Variants in USP34 observed in about 807,000 individuals in gnomAD.
USP34 encodes ubiquitin specific peptidase 34, also known as ubiquitin carboxyl-terminal hydrolase 34.
USP34 carries 70 observed loss-of-function variants against 460.3 expected under a neutral mutation model. The ratio of observed to expected loss-of-function variants is 0.15; its 90% CI spans 0.13 to 0.19. The LOEUF (loss-of-function observed/expected upper bound fraction) is 0.19, where lower values mean the gene tolerates loss of function less well. Ranked by LOEUF, USP34 falls within the 10% of genes least tolerant of loss-of-function variation. The pLI, the probability that USP34 is intolerant of heterozygous loss-of-function variation, is 1.00. For synonymous variants in USP34, 1,647 were observed against 1,405.3 expected (o/e 1.17, Z -3.85); for missense variants, 3,985 against 4,236.2 (o/e 0.94, Z 1.65).
chr2:61,344,087 A>G lies in USP34; in HGVS notation c.2286-58T>C, dbSNP rs1691687120. The G allele has an allele frequency of 8.5e-6, 13 of 1,527,928 alleles. No homozygotes were observed. The South Asian group carries it at 1.4e-4, about 16-fold the overall frequency. 94.6% of individuals were successfully genotyped at this position (1,527,928 alleles called of 1,614,324 possible). ...TTACGAATGTGAATCTAATTTGTGA[A>G]CCACAAAAAATACCTCTCTTAAACT... On this transcript the variant is annotated intron_variant, in intron 15 of 79. Transcript: ENST00000398571.
chr2:61,228,668 T>G lies in USP34; in HGVS notation c.7420A>C (p.Met2474Leu), dbSNP rs372136144. 14 of 1,611,614 alleles carry G rather than the reference T, an allele frequency of 8.7e-6. No individual in the cohort carries two copies. Among genetic ancestry groups the G allele is most frequent in the Non-Finnish European group, 1.2e-5 (14 of 1,179,074 alleles). Reference protein sequence around the residue: ...QAISTMVHFYMGTKGPENPQV... With the variant: ...QAISTMVHFYLGTKGPENPQV... ...ACATTTTCAGGTCCTTTTGTTCCCA[T>G]GTAAAAATGTACCATTGTAGATATA... is the stretch of plus-strand genomic sequence containing the variant. The change falls in exon 61 of 80, where the codon ATG becomes CTG. Residue 2474 changes from methionine to leucine, a missense_variant. Met to Leu is a conservative substitution (Grantham distance 15). Around this residue, in one of 14 missense-constraint regions of USP34, gnomAD observed 604 missense variants for 684.8 expected, o/e 0.88. Transcript: ENST00000398571.
chr2:61,398,469 G>A (rs1352218354), intron 3 of USP34, among the ~76,000 whole-genome samples: 26 of 134,880 alleles, frequency 1.9e-4, no homozygotes, highest in Non-Finnish European at 3.1e-4. Context: ...ACGGAGAAGC[G>A]GGGGAAGGAG....
At chr2:61,457,472 G>A (rs1226522425) in intron 1 of USP34, among the ~76,000 whole-genome samples, 1 of 152,184 alleles carries the variant, frequency 6.6e-6, no homozygotes, top group Non-Finnish European at 1.5e-5. Context: ...TTCTGCCAAA[G>A]AAACGGTTTT....
intron 18 of USP34, among the ~76,000 whole-genome samples, chr2:61,336,140 C>G (rs921152): frequency 6.7e-6 from 1 of 148,178 alleles, no homozygotes; most frequent in Non-Finnish European, 1.5e-5. Context: ...TGTGTGTGTC[C>G]GCACAATTTT....
rs764584325 is a variant in USP34 at position 61,395,242 on chromosome 2, A to C, written c.553-9T>G. 4 of 1,423,482 alleles carry C rather than the reference A, an allele frequency of 2.8e-6. No homozygotes were observed. Among genetic ancestry groups the C allele is most frequent in the Non-Finnish European group, 2.9e-6 (3 of 1,032,114 alleles). The allele number at this position is 1,423,482 out of a possible 1,614,324, so 88.2% of individuals were successfully genotyped here. ...TCTTGAGTTGATATATCCTAATTAA[A>C]AAAAAAAAAGCAAGTAAAATTAGGT... is the stretch of plus-strand genomic sequence containing the variant. On this transcript the variant is annotated splice_polypyrimidine_tract_variant and intron_variant, in intron 3 of 79. Coordinates refer to ENST00000398571, the MANE Select transcript of USP34 (RefSeq NM_014709.4).
chr2:61,189,302 CT>C, intron 78 of USP34: 1 of 404,546 alleles, frequency 2.5e-6, no homozygotes, highest in Middle Eastern at 7.0e-4. Flanking sequence ...GAGATGGAGT[CT>C]TGTTCTTTGG....
chr2:61,262,429 T>C (rs1350870588), intron 43 of USP34, among the ~76,000 whole-genome samples: 1 of 152,178 alleles, frequency 6.6e-6, no homozygotes, highest in Non-Finnish European at 1.5e-5. Flanking sequence ...AGTGAGAACA[T>C]ATGGTATTTG....
chr2:61,346,826 C>A (rs1572955300), intron 15 of USP34, among the ~76,000 whole-genome samples: 2 of 57,478 alleles, frequency 3.5e-5, no homozygotes, highest in African/African-American at 7.0e-5. Flanking sequence ...AGTGAGATTC[C>A]AACTCAAAAA....
At chr2:61,203,089 T>G (rs1290668596) in intron 75 of USP34, 51 bp downstream of exon 75, 1 of 1,457,038 alleles carries the variant, frequency 6.9e-7, no homozygotes, top group Non-Finnish European at 9.1e-7. Flanking sequence ...CCTGAATGAC[T>G]AGGGGCTTAA....
At chr2:61,288,956 C>G in intron 33 of USP34, 79 bp from the exon 34 acceptor site, 3 of 1,436,128 alleles carry the variant, frequency 2.1e-6, no homozygotes, top group Non-Finnish European at 2.9e-6. Context: ...AATTAAAAGA[C>G]CAGAAAATAA....
intron 34 of USP34, 50 bp from the exon 35 acceptor site, chr2:61,285,007 A>C: frequency 4.1e-6 from 6 of 1,464,884 alleles, no homozygotes; most frequent in Non-Finnish European, 5.6e-6. Context: ...CAAAAGGAAA[A>C]CCCTCAAAAA....
At chr2:61,213,740 C>A (rs537533673) in intron 68 of USP34, among the ~76,000 whole-genome samples, 96 of 152,286 alleles carry the variant, frequency 6.3e-4, no homozygotes, top group African/African-American at 1.0e-3. Flanking sequence ...GTACTCAATT[C>A]CTTAAAACTG....
At chr2:61,375,701 G>A (rs1313943446) in intron 8 of USP34, among the ~76,000 whole-genome samples, 4 of 148,006 alleles carry the variant, frequency 2.7e-5, no homozygotes, top group Admixed American at 7.0e-5. Flanking sequence ...TCTGGGAGGC[G>A]GAGCTTGCAG....
intron 2 of USP34, chr2:61,416,868 G>C: frequency 1.4e-6 from 1 of 728,832 alleles, no homozygotes; most frequent in Non-Finnish European, 2.3e-6. Flanking sequence ...AGAGGGGGCA[G>C]CACAGTGGAA....
chr2:61,214,855 C>CA (rs1289448388), intron 67 of USP34, among the ~76,000 whole-genome samples, 161 bp from the exon 68 acceptor site: 1 of 152,186 alleles, frequency 6.6e-6, no homozygotes, highest in Non-Finnish European at 1.5e-5. Flanking sequence ...CTTGGCCCCA[C>CA]AAAAAGATCC....
intron 3 of USP34, among the ~76,000 whole-genome samples, chr2:61,402,479 G>A (rs1032031748): frequency 6.6e-6 from 1 of 152,156 alleles, no homozygotes; most frequent in Admixed American, 6.6e-5. Context: ...TGATTTAGAA[G>A]TAGTGCAGTA....
chr2:61,355,224 T>A (rs141226939), intron 10 of USP34, among the ~76,000 whole-genome samples: 1 of 152,096 alleles, frequency 6.6e-6, no homozygotes, highest in African/African-American at 2.4e-5. Context: ...TAAATTGTCT[T>A]GCAAAGAGAA....
At chr2:61,242,422 G>A (rs1439641324) in intron 51 of USP34, among the ~76,000 whole-genome samples, 1 of 148,126 alleles carries the variant, frequency 6.8e-6, no homozygotes, top group Admixed American at 6.8e-5. Flanking sequence ...AAAGGTAAGA[G>A]TCAGAAAAAG....
At chr2:61,265,182 G>A (rs1689011716) in intron 43 of USP34, 1 of 526,594 alleles carries the variant, frequency 1.9e-6, no homozygotes, top group Non-Finnish European at 3.3e-6. Context: ...CCATAGCTGT[G>A]TTTTCCTTTG....
Sources: allele counts gnomAD v4.1 joint callset (sites outside exome capture counted in the v4.1 genomes callset), GRCh38; gene constraint gnomAD v4.1.1; regional missense constraint gnomAD v4.1.1; transcripts MANE v1.5; gene names NCBI Gene and HGNC (gene_info 2026-07-23, HGNC 2026-07-21).